The following LRMDA variants were observed in gnomAD, a reference collection of about 807,000 sequenced individuals.
The protein encoded by LRMDA is leucine-rich melanocyte differentiation-associated protein.
In LRMDA, 18 loss-of-function variants were observed where a neutral mutation model predicts 29.8. The observed-to-expected ratio is 0.60, with a 90% CI of 0.42 to 0.90. The LOEUF is 0.90. Among genes scored for constraint, LRMDA ranks in the 40% least tolerant of loss-of-function variants. The probability of loss-of-function intolerance (pLI) is 0.00; values close to 1 mark genes in which losing one functional copy is unlikely to be tolerated. For missense variants in LRMDA, 273 were observed against 273.9 expected (o/e 1.00, Z 0.02); for synonymous variants, 125 against 109.4 (o/e 1.14, Z -0.89).
At chr10:76,159,338 C>T (rs1464196828) in intron 5 of LRMDA, among the ~76,000 whole-genome samples, 1 of 152,162 alleles carries the variant, frequency 6.6e-6, no homozygotes, top group Non-Finnish European at 1.5e-5. Context: ...TGAGATACCA[C>T]TGTGCACCTA....
At chr10:75,619,728 G>A (rs1034937561) in intron 2 of LRMDA, among the ~76,000 whole-genome samples, 1 of 152,146 alleles carries the variant, frequency 6.6e-6, no homozygotes, top group Admixed American at 6.5e-5. Context: ...ACAAGCTGTG[G>A]GGAGGCAGCG....
rs192877720 is a variant in LRMDA at position 75,456,032 on chromosome 10, G to A, written c.131+17538G>A. On this transcript the variant is annotated intron_variant, in intron 2 of 6. Transcript: ENST00000611255. ...GACATAAACCCTTTTGCTGTGTAGC[G>A]TAGTGGTGATTCTGGGACATAGAAG... 5.5e-4 allele frequency among the ~76,000 whole-genome samples: 84 copies of A among 152,336 alleles called. 1 individual carries two copies. Among genetic ancestry groups the A allele is most frequent in the South Asian group, 2.3e-3 (11 of 4,824 alleles).
intron 2 of LRMDA, among the ~76,000 whole-genome samples, chr10:75,857,571 A>T (rs1045280110): frequency 6.6e-6 from 1 of 152,220 alleles, no homozygotes; most frequent in Admixed American, 6.5e-5. Context: ...CCAGAGGGCC[A>T]ATAAATAACT....
intron 2 of LRMDA, among the ~76,000 whole-genome samples, chr10:75,544,387 A>G (rs1187426152): frequency 6.6e-6 from 1 of 152,210 alleles, no homozygotes; most frequent in Non-Finnish European, 1.5e-5. Context: ...GCAAAATGAA[A>G]AGGATTATTT....
intron 2 of LRMDA, among the ~76,000 whole-genome samples, chr10:75,669,438 C>T (rs2132141694): frequency 6.6e-6 from 1 of 152,282 alleles, no homozygotes; most frequent in East Asian, 1.9e-4. Context: ...CATACATGGC[C>T]TCCCCAGGTC....
At chr10:76,297,306 T>C (rs1000024068) in intron 5 of LRMDA, among the ~76,000 whole-genome samples, 1 of 152,150 alleles carries the variant, frequency 6.6e-6, no homozygotes, top group Non-Finnish European at 1.5e-5. Context: ...GCCCCACTCT[T>C]GTAAGAGGTA....
chr10:75,491,990 A>G (rs990079700), intron 2 of LRMDA, among the ~76,000 whole-genome samples: 17 of 152,242 alleles, frequency 1.1e-4, no homozygotes, highest in African/African-American at 3.6e-4. Context: ...GCTATGGTCA[A>G]GTTTTAAATG....
intron 6 of LRMDA, among the ~76,000 whole-genome samples, chr10:76,427,510 C>A (rs181945393): frequency 3.3e-5 from 5 of 152,128 alleles, no homozygotes; most frequent in African/African-American, 1.2e-4. Flanking sequence ...TGGGCTGAGA[C>A]GATGGGGTTT....
intron 6 of LRMDA, among the ~76,000 whole-genome samples, chr10:76,538,630 G>A (rs779767302): frequency 2.5e-4 from 38 of 150,868 alleles, no homozygotes; most frequent in Admixed American, 6.6e-5. Context: ...AATCTTGAAA[G>A]GAGTAATTAT....
intron 6 of LRMDA, among the ~76,000 whole-genome samples, chr10:76,530,618 G>A (rs1314349693): frequency 6.6e-6 from 1 of 152,128 alleles, no homozygotes; most frequent in African/African-American, 2.4e-5. Flanking sequence ...AGGAGGAAAG[G>A]GAGAAAGAGA....
intron 5 of LRMDA, among the ~76,000 whole-genome samples, chr10:76,321,532 CTTT>C (rs79862487): frequency 0.25 from 36,874 of 145,676 alleles, 5,569 homozygotes; most frequent in East Asian, 0.44. Flanking sequence ...TAAAGACATT[CTTT>C]TTTTTTTTTT....
chr10:76,282,534 G>C (rs1364194512), intron 5 of LRMDA, among the ~76,000 whole-genome samples: 2 of 152,160 alleles, frequency 1.3e-5, no homozygotes, highest in Non-Finnish European at 2.9e-5. Flanking sequence ...GTGATTTATG[G>C]CTTGCTGTGA....
At chr10:75,655,916 C>G (rs965423407) in intron 2 of LRMDA, among the ~76,000 whole-genome samples, 21 of 152,280 alleles carry the variant, frequency 1.4e-4, no homozygotes, top group African/African-American at 5.1e-4. Context: ...CTCTCTCCAG[C>G]CTGTCCCCTC....
intron 5 of LRMDA, among the ~76,000 whole-genome samples, chr10:76,072,485 A>G (rs1848891093): frequency 6.6e-6 from 1 of 152,222 alleles, no homozygotes; most frequent in African/African-American, 2.4e-5. Context: ...CTTTAATTAA[A>G]AAAAAAAGTA....
chr10:76,344,136 C>T (rs1589144704), intron 6 of LRMDA, among the ~76,000 whole-genome samples: 1 of 152,004 alleles, frequency 6.6e-6, no homozygotes, highest in East Asian at 1.9e-4. Context: ...GATTTTTGCA[C>T]TTGGAATTTA....
chr10:76,311,414 C>CATTTCACATTT (rs1196849854), intron 5 of LRMDA, among the ~76,000 whole-genome samples: 1 of 152,124 alleles, frequency 6.6e-6, no homozygotes, highest in East Asian at 1.9e-4. Flanking sequence ...TTTAGGTTTC[C>CATTTCACATTT]ATTTCACATT....
chr10:76,381,685 A>G (rs907429084), intron 6 of LRMDA, among the ~76,000 whole-genome samples: 1 of 152,108 alleles, frequency 6.6e-6, no homozygotes, highest in Non-Finnish European at 1.5e-5. Flanking sequence ...ATTCCTACCT[A>G]TACTTCAAAG....
chr10:75,652,882 G>T (rs954819944), intron 2 of LRMDA, among the ~76,000 whole-genome samples: 3 of 152,106 alleles, frequency 2.0e-5, no homozygotes, highest in African/African-American at 7.2e-5. Flanking sequence ...AAAAAAATTT[G>T]GGCAAAAGTT....
At chr10:75,731,196 T>C (rs918944554) in intron 2 of LRMDA, among the ~76,000 whole-genome samples, 9 of 152,208 alleles carry the variant, frequency 5.9e-5, no homozygotes, top group Admixed American at 2.0e-4. Flanking sequence ...ATTTTTTAAG[T>C]GAAACAGAGC....
Sources: allele counts gnomAD v4.1 joint callset (sites outside exome capture counted in the v4.1 genomes callset), GRCh38; gene constraint gnomAD v4.1.1; transcripts MANE v1.5; gene names NCBI Gene and HGNC (gene_info 2026-07-23, HGNC 2026-07-21).